The following IPO11 variants were observed in gnomAD, a reference collection of about 807,000 sequenced individuals.
IPO11 encodes importin-11.
A neutral mutation model predicts 143.2 loss-of-function variants in IPO11; 66 were observed. The observed-to-expected ratio is 0.46, with a 90% CI of 0.38 to 0.57. The LOEUF (loss-of-function observed/expected upper bound fraction) is 0.57. Among genes scored for constraint, IPO11 ranks in the 20% least tolerant of loss-of-function variants. The pLI is 0.00. For missense variants in IPO11, 1,026 were observed against 1,141.0 expected (o/e 0.90, Z 1.45); for synonymous variants, 385 against 377.8 (o/e 1.02, Z -0.22).
chr5:62,471,422 G>A (rs1336390168), intron 7 of IPO11, among the ~76,000 whole-genome samples: 1 of 152,158 alleles, frequency 6.6e-6, no homozygotes, highest in East Asian at 1.9e-4. Context: ...ATCATAATGT[G>A]ATGGTTATTT....
At chr5:62,625,408 G>A (rs932853823) in intron 29 of IPO11, among the ~76,000 whole-genome samples, 5 of 152,180 alleles carry the variant, frequency 3.3e-5, no homozygotes, top group East Asian at 1.9e-4. Flanking sequence ...ACTGAGCCAC[G>A]TGCTCATTAA....
At chr5:62,561,942 A>C (rs942462908) in intron 27 of IPO11, 2 of 152,198 alleles carry the variant, frequency 1.3e-5, no homozygotes, top group East Asian at 3.9e-4. Context: ...ACTCTTCCTC[A>C]TTACATTTTC....
At chr5:62,580,816 A>G (rs368857118) in intron 27 of IPO11, 20 of 1,551,320 alleles carry the variant, frequency 1.3e-5, no homozygotes, top group Admixed American at 5.9e-5. Context: ...ACGAATTCCT[A>G]CTTCACCTGC....
At chr5:62,435,412 G>C (rs1350825060) in intron 1 of IPO11, among the ~76,000 whole-genome samples, 1 of 148,072 alleles carries the variant, frequency 6.8e-6, no homozygotes, top group Non-Finnish European at 1.5e-5. Flanking sequence ...AACAAAGCGA[G>C]ACCTTGTCTC....
chr5:62,507,860 G>A (rs1741605791), intron 19 of IPO11, among the ~76,000 whole-genome samples: 1 of 152,084 alleles, frequency 6.6e-6, no homozygotes, highest in African/African-American at 2.4e-5. Context: ...ATCTTTCGGA[G>A]CACAAATAGC....
At chr5:62,605,280 G>C (rs957561912) in intron 29 of IPO11, among the ~76,000 whole-genome samples, 1 of 152,186 alleles carries the variant, frequency 6.6e-6, no homozygotes, top group East Asian at 1.9e-4. Context: ...TTGTAGTTCA[G>C]AAAGGCAGAT....
chr5:62,589,884 G>C (rs749813092), intron 27 of IPO11, among the ~76,000 whole-genome samples: 3 of 152,158 alleles, frequency 2.0e-5, no homozygotes, highest in Non-Finnish European at 4.4e-5. Flanking sequence ...TAGGCTGACG[G>C]GAGTCCTGGG....
intron 9 of IPO11, among the ~76,000 whole-genome samples, chr5:62,481,655 G>A (rs534556388): frequency 8.5e-4 from 130 of 152,158 alleles, no homozygotes; most frequent in African/African-American, 2.9e-3. Flanking sequence ...TTCTGGATTC[G>A]GTTTGTTTGC....
At chr5:62,457,221 A>G (rs1298016477) in intron 5 of IPO11, among the ~76,000 whole-genome samples, 1 of 151,922 alleles carries the variant, frequency 6.6e-6, no homozygotes, top group African/African-American at 2.4e-5. Flanking sequence ...GGGCATGGTG[A>G]CTCATGCCTG....
At chr5:62,458,875 C>T (rs1745259798) in intron 5 of IPO11, among the ~76,000 whole-genome samples, 1 of 152,156 alleles carries the variant, frequency 6.6e-6, no homozygotes, top group African/African-American at 2.4e-5. Context: ...AGCCTCTTGT[C>T]TGAGTCCTAG....
intron 28 of IPO11, among the ~76,000 whole-genome samples, chr5:62,598,379 GC>G (rs1561380293): frequency 0.76 from 36,716 of 48,308 alleles, 14,195 homozygotes; most frequent in African/African-American, 0.91. Flanking sequence ...TAAATTGTTT[GC>G]TTGCTTGCTT....
At chr5:62,574,513 A>G (rs1401810961) in intron 27 of IPO11, among the ~76,000 whole-genome samples, 3 of 152,226 alleles carry the variant, frequency 2.0e-5, no homozygotes, top group East Asian at 3.8e-4. Context: ...GGTGGTGGAT[A>G]GGGTCAGAAG....
rs140205913 is a variant in IPO11, at chr5:62,425,403, C to T, written c.-6-11871C>T. Among the ~76,000 whole-genome samples, 522 of 152,228 alleles carry T rather than the reference C, an allele frequency of 3.4e-3. 1 individual carries two copies. The highest frequency in any genetic ancestry group is 0.012 in the African/African-American group (490 of 41,534). ...TGCAATCTCGGCTCACTGCAACCTC[C>T]GCCTCCTGGGTTCAGGCGATTCTCC... On this transcript the variant is annotated intron_variant, in intron 1 of 29. Transcript: ENST00000325324.
intron 10 of IPO11, among the ~76,000 whole-genome samples, chr5:62,483,617 A>T (rs1436041308): frequency 6.6e-6 from 1 of 152,186 alleles, no homozygotes; most frequent in Admixed American, 6.5e-5. Context: ...GACTTTATAT[A>T]AAGTGTGATT....
At chr5:62,534,236 C>G (rs1742662283) in intron 22 of IPO11, among the ~76,000 whole-genome samples, 1 of 152,020 alleles carries the variant, frequency 6.6e-6, no homozygotes, top group Admixed American at 6.5e-5. Flanking sequence ...TGTTAATTTA[C>G]TTAGTATTCT....
At chr5:62,490,553 A>G (rs1405347914) in intron 15 of IPO11, among the ~76,000 whole-genome samples, 1 of 152,196 alleles carries the variant, frequency 6.6e-6, no homozygotes, top group Admixed American at 6.5e-5. Flanking sequence ...CATCTGTGAA[A>G]GATGAATGTC....
At chr5:62,601,989 A>G in intron 29 of IPO11, 141 bp downstream of exon 29, 1 of 487,676 alleles carries the variant, frequency 2.1e-6, no homozygotes, top group South Asian at 4.9e-5. Flanking sequence ...TGTAAGGTGT[A>G]CCCTAAAACA....
intron 22 of IPO11, among the ~76,000 whole-genome samples, chr5:62,534,050 T>C (rs550274995): frequency 3.0e-4 from 45 of 152,226 alleles, no homozygotes; most frequent in South Asian, 1.2e-3. Context: ...AAGTTAATGG[T>C]TTTTTAGGAT....
chr5:62,627,055 T>C (rs1408830810), intron 29 of IPO11, 99 bp from the exon 30 acceptor site: 2 of 1,014,902 alleles, frequency 2.0e-6, no homozygotes, highest in African/African-American at 3.2e-5. Context: ...GAAGCAATTT[T>C]GTTACTGTAG....
Sources: allele counts gnomAD v4.1 joint callset (sites outside exome capture counted in the v4.1 genomes callset), GRCh38; gene constraint gnomAD v4.1.1; transcripts MANE v1.5; gene names NCBI Gene and HGNC (gene_info 2026-07-23, HGNC 2026-07-21).